The following WNT7B variants were observed in gnomAD, a reference collection of about 807,000 sequenced individuals.
WNT7B encodes the protein protein Wnt-7b.
Under a neutral mutation model 38.2 loss-of-function variants are expected in WNT7B, and 19 were observed. That is an observed-to-expected ratio of 0.50 (90% CI 0.35 to 0.73). WNT7B has a LOEUF of 0.73. Ranked by LOEUF, WNT7B falls within the 30% of genes least tolerant of loss-of-function variation. The pLI is 0.01. For missense variants in WNT7B, 423 were observed against 507.9 expected (o/e 0.83, Z 1.61); for synonymous variants, 243 against 209.3 (o/e 1.16, Z -1.39).
chr22:45,933,139 G>A (rs1222715092), intron 2 of WNT7B, among the ~76,000 whole-genome samples: 1 of 152,172 alleles, frequency 6.6e-6, no homozygotes, highest in African/African-American at 2.4e-5. Context: ...ACCAGCCTTA[G>A]GAGAAGACCT....
chr22:45,938,784 T>A (rs138676597), intron 2 of WNT7B, among the ~76,000 whole-genome samples: 1 of 152,142 alleles, frequency 6.6e-6, no homozygotes, highest in Non-Finnish European at 1.5e-5. Flanking sequence ...TCCCAACACA[T>A]AGAAATGATA....
intron 2 of WNT7B, among the ~76,000 whole-genome samples, chr22:45,936,850 G>A (rs1276241541): frequency 6.6e-6 from 1 of 152,238 alleles, no homozygotes; most frequent in African/African-American, 2.4e-5. Flanking sequence ...GCCAGGGCTT[G>A]GGCAGGATGA....
intron 1 of WNT7B, among the ~76,000 whole-genome samples, chr22:45,968,725 C>A (rs1932365671): frequency 6.6e-6 from 1 of 152,148 alleles, no homozygotes; most frequent in South Asian, 2.1e-4. Flanking sequence ...ATTAGGGAGG[C>A]TCCACTTGCC....
Position 45,974,472 on chromosome 22 carries a change from C to T in WNT7B, c.71+2212G>A, listed in dbSNP as rs114326275. ...TTCCTGGCGGGCAGGGGCTGAGCCT[C>T]GAGGGAGGGATTGGCTCTCCTTCCC... On this transcript the variant is annotated intron_variant, in intron 1 of 3. Transcript: ENST00000339464. Among the ~76,000 whole-genome samples the T allele has an allele frequency of 3.8e-3, 580 of 152,324 alleles. 6 individuals are homozygous for T. Among genetic ancestry groups the T allele is most frequent in the African/African-American group, 0.013 (536 of 41,566 alleles).
At chr22:45,952,762 T>C (rs10448583) in intron 1 of WNT7B, among the ~76,000 whole-genome samples, 80,829 of 152,122 alleles carry the variant, frequency 0.53, 23,742 homozygotes, top group African/African-American at 0.79. Context: ...AAGCCCTGGC[T>C]TCCCGCCACC....
Position 45,965,912 on chromosome 22 carries a change from A to C in WNT7B, c.71+10772T>G, listed in dbSNP as rs547473379. 3.0e-4 allele frequency among the ~76,000 whole-genome samples: 45 copies of C among 152,330 alleles called. No individual in the cohort carries two copies. The highest frequency in any genetic ancestry group is 2.4e-3 in the Admixed American group (36 of 15,300). ...CGCAACAGAGCCCGCCCAAGGCTGG[A>C]AACCCGCCTTAGTAAAACACCGTGA... On this transcript the variant is annotated intron_variant, in intron 1 of 3. Transcript: ENST00000339464. This position sits in a 1 kb window ranked among gnomAD's most constrained non-coding sequence, Gnocchi z 6.5.
intron 1 of WNT7B, among the ~76,000 whole-genome samples, chr22:45,969,203 C>T (rs1245991852): frequency 6.6e-6 from 1 of 152,150 alleles, no homozygotes. Context: ...GTGGTAAGTG[C>T]CCCCCCACCC....
chr22:45,956,425 C>T (rs146278452), intron 1 of WNT7B, among the ~76,000 whole-genome samples: 150 of 152,308 alleles, frequency 9.8e-4, no homozygotes, highest in Non-Finnish European at 1.9e-3. Flanking sequence ...CAGCCTCCCC[C>T]GGGAGATCAG....
rs1930960223 is a variant in WNT7B at position 45,922,615 on chromosome 22, T to C, written c.*241A>G. ...AGCACCAAGACCCCTGGCCTTGCTC[T>C]CTGGGTGGGTCACGGGTGCTGTTCT... On this transcript the variant is annotated 3_prime_UTR_variant, in exon 4 of 4. Coordinates refer to ENST00000339464, the MANE Select transcript of WNT7B (RefSeq NM_058238.3). 1.7e-6 allele frequency: 1 copy of C among 605,002 alleles called. No individual in the cohort carries two copies. Among genetic ancestry groups the C allele is most frequent in the East Asian group, 2.9e-5 (1 of 34,622 alleles). The allele number at this position is 605,002 out of a possible 1,614,324, so 37.5% of individuals were successfully genotyped here. A position where few individuals can be genotyped will look rare whatever the true frequency, so the allele number is the denominator to read the frequency against.
At chr22:45,964,970 C>A (rs1250534121) in intron 1 of WNT7B, among the ~76,000 whole-genome samples, 31 of 152,160 alleles carry the variant, frequency 2.0e-4, no homozygotes. Flanking sequence ...CCATGCCTCC[C>A]CATCCTCCAC....
chr22:45,955,723 C>G (rs1255468218), intron 1 of WNT7B, among the ~76,000 whole-genome samples: 1 of 152,220 alleles, frequency 6.6e-6, no homozygotes, highest in Non-Finnish European at 1.5e-5. Flanking sequence ...GGTTGCAAGT[C>G]TGGAAAGTTT....
chr22:45,927,364 G>T (rs4072175), intron 3 of WNT7B: 15 of 1,484,856 alleles, frequency 1.0e-5, no homozygotes, highest in Non-Finnish European at 1.3e-5. Flanking sequence ...GGGGCAGGGC[G>T]GGGGCGGGCC....
intron 1 of WNT7B, among the ~76,000 whole-genome samples, chr22:45,973,089 T>TGGGAAGGCATCGCCAGC (rs1932485986): frequency 6.6e-6 from 1 of 152,236 alleles, no homozygotes; most frequent in Admixed American, 6.5e-5. Context: ...AGGCCGCCAG[T>TGGGAAGGCATCGCCAGC]GGGAAGGCAT....
intron 3 of WNT7B, chr22:45,927,173 GTGGGGACCATGTGCCAGGGGCAGAGC>G: frequency 1.0e-6 from 1 of 985,476 alleles, no homozygotes; most frequent in Non-Finnish European, 1.2e-6. Flanking sequence ...CCACGTAGCA[GTGGGGACCATGTGCCAGGGGCAGAGC>G]TGGGGGCCGG....
chr22:45,943,159 C>T (rs974048562), intron 2 of WNT7B, among the ~76,000 whole-genome samples: 3 of 151,998 alleles, frequency 2.0e-5, no homozygotes, highest in Non-Finnish European at 4.4e-5. Context: ...CATCTCTGTC[C>T]TTCCCCCCCT....
At position 45,975,322 on chromosome 22, in the gene WNT7B, AC is replaced by A. The variant is rs1226049552; in HGVS notation, c.71+1361del. Among the ~76,000 whole-genome samples, 1 of 151,392 alleles carries A rather than the reference AC, an allele frequency of 6.6e-6. No individual in the cohort carries two copies. Among genetic ancestry groups the A allele is most frequent in the East Asian group, 1.9e-4 (1 of 5,144 alleles). On this transcript the variant is annotated intron_variant, in intron 1 of 3. Coordinates refer to ENST00000339464, the MANE Select transcript of WNT7B (RefSeq NM_058238.3). The surrounding 1 kb of genome is among the most constrained non-coding windows in gnomAD (Gnocchi z 6.6). ...GATGCAGGAAAAGAGCAGCCTGCCC[AC>A]TCCACCCCCCGCCCAGCAGGCTCAA...
rs368229070 is a variant in WNT7B at position 45,931,269 on chromosome 22, G to A, written c.399C>T (p.Cys133=). ...TGTAGTAGCCCTGCTTCTCGCGGTC[G>A]CAGCCGCAGTTGCTCAGGTTCCCTT... ...CSQGNLSNCG[C]DREKQGYYNQ... Residue 133 remains cysteine, a synonymous_variant, in exon 3 of 4, where the codon TGC becomes TGT. Coordinates refer to ENST00000339464, the MANE Select transcript of WNT7B (RefSeq NM_058238.3). 37 of 1,598,588 alleles carry A rather than the reference G, an allele frequency of 2.3e-5. No individual in the cohort carries two copies. In the African/African-American group the frequency reaches 3.3e-4, roughly 14 times the overall value.
intron 1 of WNT7B, among the ~76,000 whole-genome samples, chr22:45,969,651 G>A (rs999466406): frequency 3.3e-4 from 50 of 152,246 alleles, no homozygotes; most frequent in Non-Finnish European, 1.9e-4. Flanking sequence ...CGTCCAACCT[G>A]ATCAGTGGCA....
At chr22:45,934,075 T>C (rs776661074) in intron 2 of WNT7B, among the ~76,000 whole-genome samples, 14 of 152,288 alleles carry the variant, frequency 9.2e-5, no homozygotes, top group Non-Finnish European at 2.1e-4. Context: ...TGCGCTCCCA[T>C]TTCACCTGGA....
Sources: allele counts gnomAD v4.1 joint callset (sites outside exome capture counted in the v4.1 genomes callset), GRCh38; gene constraint gnomAD v4.1.1; non-coding constraint Gnocchi (gnomAD v3.1); transcripts MANE v1.5; gene names NCBI Gene and HGNC (gene_info 2026-07-23, HGNC 2026-07-21).